Variants in DACH2 observed in about 807,000 individuals in gnomAD.
The protein encoded by DACH2 is dachshund homolog 2.
DACH2 carries 17 observed loss-of-function variants against 35.8 expected under a neutral mutation model. The observed-to-expected ratio is 0.48, with a 90% CI of 0.33 to 0.71. DACH2 has a LOEUF of 0.71. Ranked by LOEUF, DACH2 falls within the 30% of genes least tolerant of loss-of-function variation. The pLI is 0.02. For missense variants in DACH2, 469 were observed against 472.7 expected (o/e 0.99, Z 0.07); for synonymous variants, 195 against 177.3 (o/e 1.10, Z -0.79).
intron 11 of DACH2, chrX:86,827,978 G>T: frequency 2.4e-6 from 1 of 419,719 alleles, no homozygotes; most frequent in Non-Finnish European, 4.1e-6. Flanking sequence ...GGTTTTTAGG[G>T]GATAGTCATA....
chrX:86,787,732 G>A (rs1377048382), intron 7 of DACH2, among the ~76,000 whole-genome samples: 1 of 110,249 alleles, frequency 9.1e-6, no homozygotes, highest in Non-Finnish European at 1.9e-5. Context: ...TTACTCCAAA[G>A]CACAACACTG....
chrX:86,407,178 G>T (rs935876388), intron 2 of DACH2, among the ~76,000 whole-genome samples: 3 of 111,607 alleles, frequency 2.7e-5, no homozygotes, highest in Non-Finnish European at 5.7e-5. Context: ...AAGGAATAAA[G>T]CCTGGAAGTT....
chrX:86,467,716 A>G (rs1413149384), intron 2 of DACH2, among the ~76,000 whole-genome samples: 1 of 111,776 alleles, frequency 8.9e-6, no homozygotes, highest in Non-Finnish European at 1.9e-5. Flanking sequence ...TTTATAAAGG[A>G]AAGCGGTTTA....
intron 4 of DACH2, among the ~76,000 whole-genome samples, chrX:86,667,271 AAGAG>A (rs1286039819): frequency 3.9e-5 from 3 of 77,821 alleles, no homozygotes; most frequent in East Asian, 4.1e-4. Flanking sequence ...GAGAGAGAGA[AAGAG>A]AGAGAGAGAG....
chrX:86,222,050 G>A (rs1436542283), intron 1 of DACH2, among the ~76,000 whole-genome samples: 3 of 112,018 alleles, frequency 2.7e-5, no homozygotes, highest in African/African-American at 9.7e-5. Flanking sequence ...CTTAACCTTA[G>A]TTACCTCTTT....
intron 1 of DACH2, among the ~76,000 whole-genome samples, chrX:86,292,685 T>C (rs370493894): frequency 9.0e-6 from 1 of 111,114 alleles, no homozygotes; most frequent in African/African-American, 3.3e-5. Flanking sequence ...CGTTATGTAC[T>C]CAGTAGTCAT....
At chrX:86,238,783 G>A (rs1299363045) in intron 1 of DACH2, among the ~76,000 whole-genome samples, 1 of 111,100 alleles carries the variant, frequency 9.0e-6, no homozygotes, top group Non-Finnish European at 1.9e-5. Flanking sequence ...TTATTTTTTT[G>A]ATATCAGTTG....
At chrX:86,469,842 TTGTGTGTGTGTGTGTGTG>T (rs59130472) in intron 2 of DACH2, among the ~76,000 whole-genome samples, 2 of 103,006 alleles carry the variant, frequency 1.9e-5, no homozygotes, top group Admixed American at 1.0e-4. Context: ...CTGTGTGTGT[TTGTGTGTGTGTGTGTGTG>T]TGTGTGTGTG....
intron 4 of DACH2, among the ~76,000 whole-genome samples, chrX:86,655,104 C>A (rs1164204316): frequency 9.0e-6 from 1 of 111,096 alleles, no homozygotes; most frequent in East Asian, 2.8e-4. Flanking sequence ...CAAGAAGCGA[C>A]AGAAGTAGAT....
intron 4 of DACH2, among the ~76,000 whole-genome samples, chrX:86,680,512 G>A (rs1485203608): frequency 1.8e-5 from 2 of 111,739 alleles, no homozygotes; most frequent in Admixed American, 9.5e-5. Context: ...CATTTGGAAA[G>A]CAAGTCAGTG....
chrX:86,196,070 G>T (rs959022371), intron 1 of DACH2, among the ~76,000 whole-genome samples: 1 of 111,309 alleles, frequency 9.0e-6, no homozygotes, highest in Non-Finnish European at 1.9e-5. Flanking sequence ...CTCCAGTAAG[G>T]GTTCTGAACT....
intron 5 of DACH2, among the ~76,000 whole-genome samples, chrX:86,702,437 C>G (rs2041155087): frequency 9.1e-6 from 1 of 110,333 alleles, no homozygotes; most frequent in Non-Finnish European, 1.9e-5. Context: ...TAGAGCAGAA[C>G]TAAATAAAAT....
chrX:86,159,814 G>A (rs1415010416), intron 1 of DACH2, among the ~76,000 whole-genome samples: 2 of 110,815 alleles, frequency 1.8e-5, no homozygotes, highest in Non-Finnish European at 3.8e-5. Context: ...TCAAAAACGT[G>A]GAAAATTAAA....
chrX:86,399,749 A>T (rs1428616891), intron 2 of DACH2, among the ~76,000 whole-genome samples: 6 of 112,029 alleles, frequency 5.4e-5, no homozygotes, highest in Admixed American at 2.8e-4. Flanking sequence ...CTGAGAGATC[A>T]GCTGTTAGTC....
intron 1 of DACH2, among the ~76,000 whole-genome samples, chrX:86,286,845 G>A (rs1261844946): frequency 8.9e-6 from 1 of 111,818 alleles, no homozygotes; most frequent in East Asian, 2.8e-4. Context: ...AAATGTAGTT[G>A]TAGTTATTAT....
intron 1 of DACH2, among the ~76,000 whole-genome samples, chrX:86,296,041 T>C (rs1425756267): frequency 9.0e-6 from 1 of 110,937 alleles, no homozygotes; most frequent in Non-Finnish European, 1.9e-5. Context: ...TTGGATGCAA[T>C]AATAATTTAA....
chrX:86,696,732 A>T (rs185660957), intron 5 of DACH2, among the ~76,000 whole-genome samples: 2 of 111,261 alleles, frequency 1.8e-5, no homozygotes, highest in Admixed American at 1.9e-4. Flanking sequence ...CTCACTGTAG[A>T]TCTAGCTCGA....
chrX:86,285,146 GT>G (rs1223691722), intron 1 of DACH2, among the ~76,000 whole-genome samples: 1 of 110,624 alleles, frequency 9.0e-6, no homozygotes, highest in Non-Finnish European at 1.9e-5. Flanking sequence ...TGTTTCATTC[GT>G]TTTTTGCATT....
chrX:86,712,871 G>C (rs2041294391), intron 5 of DACH2, among the ~76,000 whole-genome samples: 1 of 111,300 alleles, frequency 9.0e-6, no homozygotes, highest in Admixed American at 9.6e-5. Context: ...GTCAGATAGG[G>C]AGTACAGAGA....
Sources: gnomAD v4.1 joint callset for allele counts (sites outside exome capture counted in the v4.1 genomes callset) on GRCh38, gnomAD v4.1.1 for gene constraint, MANE v1.5 for transcripts, NCBI Gene and HGNC (gene_info 2026-07-23, HGNC 2026-07-21) for gene names.